The following NDST3 variants were observed in gnomAD, a reference collection of about 807,000 sequenced individuals.
NDST3 encodes the protein N-deacetylase and N-sulfotransferase 3.
NDST3 carries 58 observed loss-of-function variants against 96.1 expected under a neutral mutation model. The observed-to-expected ratio is 0.60, with a 90% confidence interval of 0.49 to 0.75. The LOEUF is 0.75. Ranked by LOEUF, NDST3 falls within the 30% of genes least tolerant of loss-of-function variation. The probability of loss-of-function intolerance (pLI) is 0.00; values close to 1 mark genes in which losing one functional copy is unlikely to be tolerated. For synonymous variants in NDST3, 333 were observed against 359.7 expected (o/e 0.93, Z 0.84); for missense variants, 788 against 1,034.2 (o/e 0.76, Z 3.27).
intron 1 of NDST3, among the ~76,000 whole-genome samples, chr4:118,051,755 A>C (rs1725094176): frequency 6.6e-6 from 1 of 152,150 alleles, no homozygotes; most frequent in African/African-American, 2.4e-5. Flanking sequence ...TTAAAAGAAG[A>C]CATACAAGTA....
At chr4:118,087,165 T>C (rs753742167) in intron 2 of NDST3, among the ~76,000 whole-genome samples, 8 of 152,158 alleles carry the variant, frequency 5.3e-5, no homozygotes, top group Non-Finnish European at 1.2e-4. Flanking sequence ...TGTCTGAGCT[T>C]TGGTTTCCTT....
chr4:118,056,174 G>T (rs1431519098), intron 2 of NDST3, among the ~76,000 whole-genome samples: 2 of 151,716 alleles, frequency 1.3e-5, no homozygotes, highest in Admixed American at 6.6e-5. Flanking sequence ...AAATGATTTT[G>T]GTGAGAAATG....
chr4:118,220,580 C>T lies in NDST3; in HGVS notation c.1540-3911C>T, dbSNP rs562075793. The stretch of plus-strand genomic sequence containing the variant: ...CGTATACCTAGGTAACAAACCTACA[C>T]GTTCTGCACTTGTATCCCGGAACTT... On this transcript the variant is annotated intron_variant, in intron 6 of 13. Transcript: ENST00000296499. Among the ~76,000 whole-genome samples, 3 of 152,006 alleles carry T rather than the reference C, an allele frequency of 2.0e-5. 1 individual carries two copies. The South Asian group carries it at 6.3e-4, about 32-fold the overall frequency.
intron 1 of NDST3, among the ~76,000 whole-genome samples, chr4:118,053,122 T>C (rs1725179205): frequency 6.6e-6 from 1 of 152,000 alleles, no homozygotes; most frequent in Non-Finnish European, 1.5e-5. Flanking sequence ...CTCATATTCA[T>C]CTTACCACAT....
Position 118,184,602 on chromosome 4 carries a change from T to TCCACACAC in NDST3, c.1540-39889_1540-39888insCCACACAC, listed in dbSNP as rs1553941346. On this transcript the variant is annotated intron_variant, in intron 6 of 13. Transcript: ENST00000296499. Reference sequence around the variant, plus strand: ...CTCCCTTTGTCTCTCTCTCTCTCTCTACACACACACACACACACACACACA... The same window carrying TCCACACAC: ...CTCCCTTTGTCTCTCTCTCTCTCTCTCCACACACACACACACACACACACACACACACA... 5.1e-5 allele frequency among the ~76,000 whole-genome samples: 7 copies of TCCACACAC among 138,488 alleles called. No homozygotes were observed. The Admixed American group carries it at 5.2e-4, about 10-fold the overall frequency. 90.9% of individuals were successfully genotyped at this position (138,488 alleles called of 152,430 possible). A position where few individuals can be genotyped will look rare whatever the true frequency, so the allele number is the denominator to read the frequency against.
At chr4:118,118,436 C>T (rs1372219958) in intron 4 of NDST3, among the ~76,000 whole-genome samples, 2 of 152,130 alleles carry the variant, frequency 1.3e-5, no homozygotes, top group South Asian at 4.1e-4. Flanking sequence ...TTTTGGGTTT[C>T]GGCCTTTGCT....
intron 6 of NDST3, among the ~76,000 whole-genome samples, chr4:118,219,896 C>T (rs770396963): frequency 2.6e-5 from 4 of 151,820 alleles, no homozygotes; most frequent in African/African-American, 4.8e-5. Context: ...ATGTGGCCAA[C>T]GAACATACAA....
chr4:118,045,565 A>T (rs1724714320), intron 1 of NDST3, among the ~76,000 whole-genome samples: 2 of 152,250 alleles, frequency 1.3e-5, no homozygotes, highest in Non-Finnish European at 2.9e-5. Flanking sequence ...TTATCCTGTA[A>T]ATAGAATATA....
At chr4:118,066,032 A>G (rs895884789) in intron 2 of NDST3, among the ~76,000 whole-genome samples, 2 of 133,116 alleles carry the variant, frequency 1.5e-5, no homozygotes, top group East Asian at 2.0e-4. Context: ...TAATAATAAT[A>G]AGTTCTTCAC....
chr4:118,145,140 A>G (rs140392522), intron 6 of NDST3, among the ~76,000 whole-genome samples: 3 of 152,200 alleles, frequency 2.0e-5, no homozygotes, highest in African/African-American at 7.2e-5. Flanking sequence ...TCACAAATGG[A>G]AGTATTTTGA....
intron 4 of NDST3, 62 bp from the exon 5 acceptor site, chr4:118,137,992 A>G: frequency 7.4e-7 from 1 of 1,346,840 alleles, no homozygotes. Flanking sequence ...TGAAAATCTT[A>G]CTGTAAAAAT....
chr4:118,073,950 A>T (rs1008037204), intron 2 of NDST3, among the ~76,000 whole-genome samples: 3 of 152,142 alleles, frequency 2.0e-5, no homozygotes, highest in African/African-American at 7.2e-5. Context: ...CTTTAGCTAT[A>T]TCCCAGAGAT....
intron 6 of NDST3, among the ~76,000 whole-genome samples, chr4:118,186,120 C>T (rs1304787980): frequency 6.6e-6 from 1 of 152,062 alleles, no homozygotes; most frequent in Non-Finnish European, 1.5e-5. Flanking sequence ...AGGAGAAAAA[C>T]AAAATCTGGT....
intron 6 of NDST3, among the ~76,000 whole-genome samples, chr4:118,179,883 T>C (rs1736497509): frequency 6.6e-6 from 1 of 152,116 alleles, no homozygotes; most frequent in African/African-American, 2.4e-5. Context: ...CTAAATGTAA[T>C]TTAAGGTTGA....
intron 10 of NDST3, among the ~76,000 whole-genome samples, chr4:118,238,862 G>A (rs906598103): frequency 2.0e-5 from 3 of 152,186 alleles, no homozygotes; most frequent in Non-Finnish European, 4.4e-5. Context: ...GAACCATGGG[G>A]CACTTTCTTA....
At chr4:118,059,520 G>A (rs1725725450) in intron 2 of NDST3, among the ~76,000 whole-genome samples, 1 of 152,072 alleles carries the variant, frequency 6.6e-6, no homozygotes, top group Non-Finnish European at 1.5e-5. Flanking sequence ...AAAATAAGAG[G>A]TATCAAGCTC....
intron 2 of NDST3, among the ~76,000 whole-genome samples, chr4:118,087,956 C>CACCATAT (rs1285973722): frequency 6.6e-6 from 1 of 152,040 alleles, no homozygotes; most frequent in African/African-American, 2.4e-5. Context: ...CAAGGAAACT[C>CACCATAT]ACCATATGAG....
rs1738311378 is a variant in NDST3, at chr4:118,204,549, G to C, written c.1540-19942G>C. ...ATGTTTTGAACAGTTGGCTGCCTCTGACTGGCCAAAACTTGGTGACTGGCA... is the reference window on the plus strand; with the variant it reads ...ATGTTTTGAACAGTTGGCTGCCTCTCACTGGCCAAAACTTGGTGACTGGCA... On this transcript the variant is annotated intron_variant, in intron 6 of 13. Transcript: ENST00000296499. Among the ~76,000 whole-genome samples the C allele has an allele frequency of 1.4e-5, 2 of 144,742 alleles. 1 individual carries two copies. The highest frequency in any genetic ancestry group is 3.1e-5 in the Non-Finnish European group (2 of 65,334). The allele number at this position is 144,742 out of a possible 152,430, so 95.0% of individuals were successfully genotyped here.
intron 6 of NDST3, among the ~76,000 whole-genome samples, chr4:118,156,021 G>C (rs1734689143): frequency 6.6e-6 from 1 of 151,960 alleles, no homozygotes; most frequent in Non-Finnish European, 1.5e-5. Context: ...TAAATACAAA[G>C]TGCTCAGATT....
Sources: allele counts gnomAD v4.1 joint callset (sites outside exome capture counted in the v4.1 genomes callset), GRCh38; gene constraint gnomAD v4.1.1; transcripts MANE v1.5; gene names NCBI Gene and HGNC (gene_info 2026-07-23, HGNC 2026-07-21).